MXRA8: variants seen among roughly 807,000 people sequenced by gnomAD.
The protein encoded by MXRA8 is matrix remodeling-associated protein 8.
A neutral mutation model predicts 51.4 loss-of-function variants in MXRA8; 44 were observed. The ratio of observed to expected loss-of-function variants is 0.86; its 90% confidence interval spans 0.67 to 1.10. The LOEUF is 1.10. Among genes scored for constraint, MXRA8 ranks in the 50% least tolerant of loss-of-function variants. The pLI is 0.00. For synonymous variants in MXRA8, 369 were observed against 293.5 expected, an observed-to-expected ratio of 1.26 and a Z score of -2.63; for missense variants, 765 against 638.9, an observed-to-expected ratio of 1.20 and a Z score of -2.13.
chr1:1,361,008 A>G (rs1412341896), upstream of MXRA8, among the ~76,000 whole-genome samples: 2 of 151,712 alleles, frequency 1.3e-5, no homozygotes, highest in Non-Finnish European at 1.5e-5. Flanking sequence ...ACACACGCGA[A>G]GACACAGACA....
In MXRA8 at chr1:1,353,496, G is replaced by A. The variant is rs568314233; in HGVS notation, c.*108C>T. 2.2e-4 allele frequency: 332 copies of A among 1,506,448 alleles called. No homozygotes were observed. Among genetic ancestry groups the A allele is most frequent in the Non-Finnish European group, 2.8e-4 (312 of 1,125,808 alleles). 93.3% of individuals were successfully genotyped at this position (1,506,448 alleles called of 1,614,324 possible). A position where few individuals can be genotyped will look rare whatever the true frequency, so the allele number is the denominator to read the frequency against. ...CGCCCAGGCCAAATTCCAGGAAAGCGGGACCAGCCGCTGGAAGGGGGGTGA... is the reference window on the plus strand; with the variant it reads ...CGCCCAGGCCAAATTCCAGGAAAGCAGGACCAGCCGCTGGAAGGGGGGTGA... On this transcript the variant is annotated 3_prime_UTR_variant, in exon 10 of 10. Coordinates refer to ENST00000309212, the MANE Select transcript of MXRA8 (RefSeq NM_032348.4).
chr1:1,356,832 G>A, intron 1 of MXRA8, 128 bp from the exon 2 acceptor site: 1 of 799,900 alleles, frequency 1.3e-6, no homozygotes, highest in Non-Finnish European at 1.8e-6. Flanking sequence ...TCAGTGCAGG[G>A]AGGACGCCTC....
At position 1,355,167 on chromosome 1, in the gene MXRA8, C is replaced by A; in HGVS notation, c.479-15G>T. The A allele has an allele frequency of 1.7e-6, 2 of 1,162,478 alleles. No individual in the cohort carries two copies. Among genetic ancestry groups the A allele is most frequent in the Non-Finnish European group, 1.1e-6 (1 of 941,820 alleles). 72.0% of individuals were successfully genotyped at this position (1,162,478 alleles called of 1,614,324 possible). A position where few individuals can be genotyped will look rare whatever the true frequency, so the allele number is the denominator to read the frequency against. On this transcript the variant is annotated splice_polypyrimidine_tract_variant and intron_variant, in intron 4 of 9. Transcript: ENST00000309212. Reference sequence around the variant, plus strand: ...GGTGGCCGGGGCTGCGGAGGGGGCGCGGTCAGCGGCGCGCGGGCCGGGGCG... The same window carrying A: ...GGTGGCCGGGGCTGCGGAGGGGGCGAGGTCAGCGGCGCGCGGGCCGGGGCG...
rs963304052 is a variant in MXRA8 at position 1,355,640 on chromosome 1, G to A, written c.186C>T (p.Thr62=). Residue 62 remains threonine (T), a synonymous_variant, in exon 3 of 10, where the codon ACC becomes ACT. Transcript: ENST00000309212. Reference sequence around the variant, plus strand: ...GCTGGCGGTCGTGCAGCCGGTCCTGGGTCCACACCATGCGCGGGCTCTGGC... The same window carrying A: ...GCTGGCGGTCGTGCAGCCGGTCCTGAGTCCACACCATGCGCGGGCTCTGGC... ...LRCQSPRMVW[T]QDRLHDRQRV... The A allele has an allele frequency of 1.4e-6, 2 of 1,446,416 alleles. No individual in the cohort carries two copies. The highest frequency in any genetic ancestry group is 1.8e-6 in the Non-Finnish European group (2 of 1,104,138). 89.6% of individuals were successfully genotyped at this position (1,446,416 alleles called of 1,614,324 possible).
At chr1:1,360,912 GCACACGAAGA>G (rs1644213142), upstream of MXRA8, among the ~76,000 whole-genome samples, 1 of 151,412 alleles carries the variant, frequency 6.6e-6, no homozygotes, top group Admixed American at 6.6e-5. Flanking sequence ...ACACACGCAT[GCACACGAAGA>G]CACATGGAGA....
At chr1:1,357,062 A>C (rs1326336087) in intron 1 of MXRA8, among the ~76,000 whole-genome samples, 1 of 152,032 alleles carries the variant, frequency 6.6e-6, no homozygotes, top group African/African-American at 2.4e-5. Flanking sequence ...CGCTCCCTCC[A>C]GGGCTGTGCC....
chr1:1,358,153 A>G (rs1199219447), intron 1 of MXRA8, among the ~76,000 whole-genome samples: 1 of 152,132 alleles, frequency 6.6e-6, no homozygotes, highest in African/African-American at 2.4e-5. Context: ...CACTCCCTAA[A>G]CAGAGCCCCA....
Position 1,355,350 on chromosome 1 carries a change from G to A in MXRA8, c.377-5C>T, listed in dbSNP as rs772619674. 7 of 1,571,204 alleles carry A rather than the reference G, an allele frequency of 4.5e-6. No individual in the cohort carries two copies. Among genetic ancestry groups the A allele is most frequent in the African/African-American group, 2.8e-5 (2 of 70,860 alleles). On this transcript the variant is annotated splice_polypyrimidine_tract_variant and splice_region_variant and intron_variant, in intron 3 of 9. Coordinates refer to ENST00000309212, the MANE Select transcript of MXRA8 (RefSeq NM_032348.4). ...CCGCGTCCGTCTCCTCCACCGCTGC[G>A]CACCCAGGAGGAAGCCGCGCGTGAG... is the stretch of plus-strand genomic sequence containing the variant.
Position 1,354,916 on chromosome 1 carries a change from GA to G in MXRA8, c.714del (p.Leu239CysfsTer51). 6.2e-7 allele frequency: 1 copy of G among 1,609,134 alleles called. No individual in the cohort carries two copies. Among genetic ancestry groups the G allele is most frequent in the Non-Finnish European group, 8.5e-7 (1 of 1,178,396 alleles). On this transcript the variant is annotated frameshift_variant, in exon 5 of 10. Coordinates refer to ENST00000309212, the MANE Select transcript of MXRA8 (RefSeq NM_032348.4). LOFTEE classifies it high-confidence loss of function. ...SGERRAYGPL[F>X]LRDRVAVGAD... ...GCGCCCACAGCCACGCGGTCGCGCAGAAAAAGGGGCCCGTAGGCGCGGCGCT... is the reference window on the plus strand; with the variant it reads ...GCGCCCACAGCCACGCGGTCGCGCAGAAAAGGGGCCCGTAGGCGCGGCGCT...
chr1:1,361,610 C>G, upstream of MXRA8: 1 of 419,500 alleles, frequency 2.4e-6, no homozygotes, highest in Non-Finnish European at 4.5e-6. Flanking sequence ...AGGGGGGCCA[C>G]TGCTGACACC....
At chr1:1,360,066 A>G (rs755404782), upstream of MXRA8, among the ~76,000 whole-genome samples, 9 of 151,982 alleles carry the variant, frequency 5.9e-5, no homozygotes, top group Non-Finnish European at 1.3e-4. Flanking sequence ...TGGTGGGGGG[A>G]CAGGGTTGGC....
upstream of MXRA8, among the ~76,000 whole-genome samples, chr1:1,360,778 T>C (rs887289545): frequency 6.6e-6 from 1 of 152,054 alleles, no homozygotes; most frequent in Non-Finnish European, 1.5e-5. Context: ...GCCCGTCTCA[T>C]TGGGAAGAAA....
In MXRA8 at chr1:1,355,614, C is replaced by T. The variant is rs578000307; in HGVS notation, c.212G>A (p.Arg71His). 125 of 1,467,798 alleles carry T rather than the reference C, an allele frequency of 8.5e-5. No homozygotes were observed. The African/African-American group carries it at 1.7e-3, about 20-fold the overall frequency. The allele number at this position is 1,467,798 out of a possible 1,614,324, so 90.9% of individuals were successfully genotyped here. A position where few individuals can be genotyped will look rare whatever the true frequency, so the allele number is the denominator to read the frequency against. The change falls in exon 3 of 10, where the codon CGC becomes CAC. Residue 71 changes from arginine to histidine, a missense_variant. Transcript: ENST00000309212. The part of the protein sequence containing the change: ...WTQDRLHDRQ[R>H]VLHWDLRGPG... The stretch of plus-strand genomic sequence containing the variant: ...GCCGCGCAGGTCCCAGTGGAGCACG[C>T]GCTGGCGGTCGTGCAGCCGGTCCTG...
upstream of MXRA8, chr1:1,358,845 C>T: frequency 9.2e-7 from 1 of 1,090,906 alleles, no homozygotes; most frequent in Non-Finnish European, 1.1e-6. Flanking sequence ...CCTCCCGGGC[C>T]TGTGGTGAAG....
chr1:1,358,461 A>G lies in MXRA8; in HGVS notation c.44T>C (p.Leu15Pro). The stretch of plus-strand genomic sequence containing the variant: ...TCCCAGGGCCCCACACTCACTCTGC[A>G]GAAGCACAAGTTTCCAAAGCAGGAT... Reference protein sequence around the residue: ...SRILLWKLVLLQSSAVLLHSG... With the variant: ...SRILLWKLVLPQSSAVLLHSG... The change falls in exon 1 of 10, where the codon CTG (leucine) becomes CCG (proline). Residue 15 changes from leucine to proline, a missense_variant. Coordinates refer to ENST00000309212, the MANE Select transcript of MXRA8 (RefSeq NM_032348.4). The G allele has an allele frequency of 5.0e-6, 8 of 1,611,330 alleles. No homozygotes were observed. Among genetic ancestry groups the G allele is most frequent in the Non-Finnish European group, 6.8e-6 (8 of 1,178,796 alleles).
intron 1 of MXRA8, 117 bp downstream of exon 1, chr1:1,358,339 C>T: frequency 8.4e-7 from 1 of 1,191,462 alleles, no homozygotes; most frequent in Non-Finnish European, 1.2e-6. Context: ...CGTCCTCTTC[C>T]CTGGTGGGAC....
In MXRA8 at chr1:1,353,493, A is replaced by C. The variant is rs138720282; in HGVS notation, c.*111T>G. ...ATACGCCCAGGCCAAATTCCAGGAA[A>C]GCGGGACCAGCCGCTGGAAGGGGGG... is the stretch of plus-strand genomic sequence containing the variant. On this transcript the variant is annotated 3_prime_UTR_variant, in exon 10 of 10. Transcript: ENST00000309212. 1,138 of 1,505,962 alleles carry C rather than the reference A, an allele frequency of 7.6e-4. 9 individuals carry two copies. In the African/African-American group the frequency reaches 0.015, roughly 19 times the overall value. The allele number at this position is 1,505,962 out of a possible 1,614,324, so 93.3% of individuals were successfully genotyped here.
In MXRA8 at chr1:1,353,490, G is replaced by A. The variant is rs1424051829; in HGVS notation, c.*114C>T. ...TGCATACGCCCAGGCCAAATTCCAG[G>A]AAAGCGGGACCAGCCGCTGGAAGGG... On this transcript the variant is annotated 3_prime_UTR_variant, in exon 10 of 10. Coordinates refer to ENST00000309212, the MANE Select transcript of MXRA8 (RefSeq NM_032348.4). The A allele has an allele frequency of 6.6e-7, 1 of 1,505,682 alleles. No individual in the cohort carries two copies. The highest frequency in any genetic ancestry group is 8.9e-7 in the Non-Finnish European group (1 of 1,125,468). 93.3% of individuals were successfully genotyped at this position (1,505,682 alleles called of 1,614,324 possible). A position where few individuals can be genotyped will look rare whatever the true frequency, so the allele number is the denominator to read the frequency against.
Position 1,356,928 on chromosome 1 carries a change from G to A in MXRA8, c.50-224C>T, listed in dbSNP as rs150547632. Among the ~76,000 whole-genome samples the A allele has an allele frequency of 4.6e-3, 696 of 152,268 alleles. 7 individuals are homozygous for A. Among genetic ancestry groups the A allele is most frequent in the African/African-American group, 0.016 (654 of 41,536 alleles). On this transcript the variant is annotated intron_variant, in intron 1 of 9. Transcript: ENST00000309212. Reference sequence around the variant, plus strand: ...TGAGTGGGGAAGCCAGGGCATGGGCGTGGGCCAGGGCCAGGCTCCAAGCCA... The same window carrying A: ...TGAGTGGGGAAGCCAGGGCATGGGCATGGGCCAGGGCCAGGCTCCAAGCCA...
Sources: gnomAD v4.1 joint callset for allele counts (sites outside exome capture counted in the v4.1 genomes callset) on GRCh38, gnomAD v4.1.1 for gene constraint, MANE v1.5 for transcripts, NCBI Gene and HGNC (gene_info 2026-07-23, HGNC 2026-07-21) for gene names.